The following CD2AP variants were observed in gnomAD, a reference collection of about 807,000 sequenced individuals.
CD2AP encodes the protein CD2 associated protein.
A neutral mutation model predicts 85.1 loss-of-function variants in CD2AP; 46 were observed. That is an observed-to-expected ratio of 0.54 (90% CI 0.43 to 0.69). The LOEUF is 0.69. Among genes scored for constraint, CD2AP ranks in the 30% least tolerant of loss-of-function variants. CD2AP has a pLI of 0.00. For missense variants in CD2AP, 769 were observed against 729.5 expected, an observed-to-expected ratio of 1.05 and a Z score of -0.62; for synonymous variants, 255 against 252.9, an observed-to-expected ratio of 1.01 and a Z score of -0.08.
At chr6:47,560,490 TTG>T (rs946047606) in intron 5 of CD2AP, among the ~76,000 whole-genome samples, 1 of 152,208 alleles carries the variant, frequency 6.6e-6, no homozygotes, top group Non-Finnish European at 1.5e-5. Context: ...TTTCTGTTTT[TTG>T]TTTTCTTGAC....
At position 47,483,384 on chromosome 6, in the gene CD2AP, G is replaced by C. The variant is rs117252016; in HGVS notation, c.4+5136G>C. Among the ~76,000 whole-genome samples the C allele has an allele frequency of 2.6e-5, 4 of 152,256 alleles. No homozygotes were observed. In the East Asian group the frequency reaches 7.7e-4, roughly 29 times the overall value. The stretch of plus-strand genomic sequence containing the variant: ...GGGAGTGGTATGGTGGCTGGTAGCA[G>C]GCACTAGGTAGAGATTCAGACTGGC... On this transcript the variant is annotated intron_variant, in intron 1 of 17. Coordinates refer to ENST00000359314, the MANE Select transcript of CD2AP (RefSeq NM_012120.3).
chr6:47,589,495 C>CAT (rs1049328392), intron 11 of CD2AP, among the ~76,000 whole-genome samples: 15 of 147,768 alleles, frequency 1.0e-4, no homozygotes, highest in African/African-American at 3.5e-4. Flanking sequence ...TGTATGTGCA[C>CAT]ATATATATAC....
chr6:47,541,801 A>C (rs1767223137), intron 3 of CD2AP, among the ~76,000 whole-genome samples: 1 of 152,248 alleles, frequency 6.6e-6, no homozygotes, highest in African/African-American at 2.4e-5. Flanking sequence ...CAACTGTACA[A>C]GAACATAAGT....
At chr6:47,554,198 A>G (rs1767611944) in intron 4 of CD2AP, among the ~76,000 whole-genome samples, 1 of 152,130 alleles carries the variant, frequency 6.6e-6, no homozygotes, top group Non-Finnish European at 1.5e-5. Context: ...GACCTGAGCC[A>G]CCGTGCCTGG....
intron 5 of CD2AP, among the ~76,000 whole-genome samples, chr6:47,567,950 G>A (rs10948365): frequency 0.99 from 150,805 of 152,320 alleles, 74,670 homozygotes; most frequent in Middle Eastern, 1. Flanking sequence ...CTGAGCTGCT[G>A]ACGCCAGTTG....
At position 47,623,326 on chromosome 6, in the gene CD2AP, TAA is replaced by T. The variant is rs565525237; in HGVS notation, c.1879-859_1879-858del. Among the ~76,000 whole-genome samples the T allele has an allele frequency of 3.9e-5, 6 of 152,360 alleles. No individual in the cohort carries two copies. The South Asian group carries it at 1.2e-3, about 32-fold the overall frequency. ...CTTGAGGAAGGTGATGCCATCAGGA[TAA>T]GGCAAGGCCTATATATTTCCTCATG... On this transcript the variant is annotated intron_variant, in intron 17 of 17. Coordinates refer to ENST00000359314, the MANE Select transcript of CD2AP (RefSeq NM_012120.3).
At chr6:47,560,642 A>C (rs1388550396) in intron 5 of CD2AP, among the ~76,000 whole-genome samples, 1 of 151,942 alleles carries the variant, frequency 6.6e-6, no homozygotes, top group Admixed American at 6.5e-5. Flanking sequence ...ACGATGTCTT[A>C]TGTAATATTT....
chr6:47,618,832 A>G (rs1326541477), intron 17 of CD2AP, among the ~76,000 whole-genome samples: 1 of 152,182 alleles, frequency 6.6e-6, no homozygotes, highest in African/African-American at 2.4e-5. Context: ...CCTCTCACTG[A>G]CTTGTATTAC....
At chr6:47,493,818 A>AT (rs1438908178) in intron 1 of CD2AP, among the ~76,000 whole-genome samples, 2 of 151,736 alleles carry the variant, frequency 1.3e-5, no homozygotes, top group African/African-American at 4.8e-5. Context: ...AAGCTTACTG[A>AT]TTCTTTCCTT....
chr6:47,575,996 C>T (rs931515812), intron 6 of CD2AP, among the ~76,000 whole-genome samples: 35 of 152,086 alleles, frequency 2.3e-4, no homozygotes, highest in African/African-American at 8.0e-4. Flanking sequence ...GGCTACTAGT[C>T]CTATTTGCAC....
rs758386191 is a variant in CD2AP, at chr6:47,564,485, T to C, written c.542-9579T>C. 2.0e-5 allele frequency among the ~76,000 whole-genome samples: 3 copies of C among 152,146 alleles called. No individual in the cohort carries two copies. The East Asian group carries it at 5.8e-4, about 29-fold the overall frequency. Reference sequence around the variant, plus strand: ...GCACATTTTCTTATGCTATTCAGCTTGATTTGGATTTTAGTAACTGCGCAG... The same window carrying C: ...GCACATTTTCTTATGCTATTCAGCTCGATTTGGATTTTAGTAACTGCGCAG... On this transcript the variant is annotated intron_variant, in intron 5 of 17. Coordinates refer to ENST00000359314, the MANE Select transcript of CD2AP (RefSeq NM_012120.3).
intron 3 of CD2AP, among the ~76,000 whole-genome samples, chr6:47,537,276 C>T (rs1400424657): frequency 1.3e-5 from 2 of 152,144 alleles, no homozygotes; most frequent in African/African-American, 4.8e-5. Flanking sequence ...ATTATGTCCA[C>T]TGACTATGCA....
At chr6:47,606,382 T>C (rs895123504) in intron 14 of CD2AP, 105 bp downstream of exon 14, 7 of 736,900 alleles carry the variant, frequency 9.5e-6, no homozygotes, top group Middle Eastern at 2.3e-4. Context: ...ATCAGGAGGA[T>C]AGCTCTTATA....
At chr6:47,539,332 T>C (rs1767142205) in intron 3 of CD2AP, among the ~76,000 whole-genome samples, 1 of 152,156 alleles carries the variant, frequency 6.6e-6, no homozygotes, top group South Asian at 2.1e-4. Flanking sequence ...TCAAGCAGAG[T>C]ATATTGAAGC....
Position 47,625,930 on chromosome 6 carries a change from G to C in CD2AP, c.*1703G>C, listed in dbSNP as rs147875817. On this transcript the variant is annotated 3_prime_UTR_variant, in exon 18 of 18. Coordinates refer to ENST00000359314, the MANE Select transcript of CD2AP (RefSeq NM_012120.3). ...AAATTGTTCCCTCTTCTGTTAAATA[G>C]AATAGGTTTAAATGACTAGTCAAAT... 12 of 151,950 alleles carry C rather than the reference G, an allele frequency of 7.9e-5. No individual in the cohort carries two copies. The highest frequency in any genetic ancestry group is 1.5e-4 in the Non-Finnish European group (10 of 67,760). 9.4% of individuals were successfully genotyped at this position (151,950 alleles called of 1,614,324 possible).
intron 5 of CD2AP, among the ~76,000 whole-genome samples, chr6:47,555,396 G>C (rs1246450950): frequency 6.6e-6 from 1 of 152,080 alleles, no homozygotes; most frequent in Non-Finnish European, 1.5e-5. Flanking sequence ...AAGTGGAAAT[G>C]TAGGGATAAG....
chr6:47,504,787 A>G (rs1766087246), intron 2 of CD2AP, among the ~76,000 whole-genome samples: 1 of 152,224 alleles, frequency 6.6e-6, no homozygotes, highest in Non-Finnish European at 1.5e-5. Context: ...TTGATTTCTC[A>G]GTGATGTAAA....
At chr6:47,582,801 T>TTTG (rs1375602560) in intron 11 of CD2AP, among the ~76,000 whole-genome samples, 66 of 149,388 alleles carry the variant, frequency 4.4e-4, no homozygotes, top group South Asian at 1.1e-3. Context: ...TTTTGTTTTT[T>TTTG]TTTTTTTGTC....
At chr6:47,545,704 G>T (rs528531491) in intron 4 of CD2AP, among the ~76,000 whole-genome samples, 1 of 152,282 alleles carries the variant, frequency 6.6e-6, no homozygotes, top group Admixed American at 6.5e-5. Flanking sequence ...ACTCTGTGCA[G>T]ACAACCCCCA....
Sources: allele counts gnomAD v4.1 joint callset (sites outside exome capture counted in the v4.1 genomes callset), GRCh38; gene constraint gnomAD v4.1.1; transcripts MANE v1.5; gene names NCBI Gene and HGNC (gene_info 2026-07-23, HGNC 2026-07-21).